MASP1: variants seen among roughly 807,000 people sequenced by gnomAD.
The protein encoded by MASP1 is mannan-binding lectin serine protease 1.
In MASP1, 59 loss-of-function variants were observed where a neutral mutation model predicts 77.1. That is an observed-to-expected ratio of 0.77 (90% confidence interval 0.62 to 0.95). The LOEUF (loss-of-function observed/expected upper bound fraction) is 0.95. Among genes scored for constraint, MASP1 ranks in the 40% least tolerant of loss-of-function variants. The pLI is 0.00. For synonymous variants in MASP1, 362 were observed against 354.5 expected (o/e 1.02, Z -0.24); for missense variants, 885 against 912.9 (o/e 0.97, Z 0.39).
chr3:187,279,817 C>T (rs953866932), intron 2 of MASP1, among the ~76,000 whole-genome samples: 2 of 152,296 alleles, frequency 1.3e-5, no homozygotes, highest in Admixed American at 1.3e-4. Flanking sequence ...CCTCCCTGGC[C>T]ATCTAAAAAT....
At chr3:187,253,120 A>G in intron 6 of MASP1, 48 bp downstream of exon 6, 1 of 1,611,566 alleles carries the variant, frequency 6.2e-7, no homozygotes. Context: ...CTGCCTCTGC[A>G]AGGGCTAAGC....
chr3:187,275,302 G>C (rs1716876822), intron 2 of MASP1, among the ~76,000 whole-genome samples: 1 of 152,332 alleles, frequency 6.6e-6, no homozygotes, highest in Middle Eastern at 3.4e-3. Flanking sequence ...CCTTGGGCCA[G>C]TGTCTTCCAG....
At chr3:187,272,233 T>C (rs896568081) in intron 2 of MASP1, among the ~76,000 whole-genome samples, 3 of 149,648 alleles carry the variant, frequency 2.0e-5, no homozygotes, top group Admixed American at 6.7e-5. Flanking sequence ...AATAAGAACA[T>C]CTGTGCCCTT....
chr3:187,249,539 G>A (rs776417531), intron 8 of MASP1, among the ~76,000 whole-genome samples: 22 of 152,324 alleles, frequency 1.4e-4, no homozygotes, highest in Middle Eastern at 3.4e-3. Flanking sequence ...GGTTGCAGGG[G>A]GTGGTGGTGA....
In MASP1 at chr3:187,262,509, A is replaced by G. The variant is rs747883941; in HGVS notation, c.415+34T>C. ...AGTTTTCATCTTCGGAGAGAGAGAG[A>G]GAGACCTGAGGATGAGTCACTTCTC... On this transcript the variant is annotated intron_variant, in intron 3 of 10. Coordinates refer to ENST00000296280, the MANE Select transcript of MASP1 (RefSeq NM_139125.4). The G allele has an allele frequency of 3.3e-5, 53 of 1,609,410 alleles. No individual in the cohort carries two copies. The African/African-American group carries it at 6.4e-4, about 19-fold the overall frequency.
intron 5 of MASP1, among the ~76,000 whole-genome samples, chr3:187,255,475 A>G (rs890629785): frequency 1.3e-5 from 2 of 152,216 alleles, no homozygotes; most frequent in Non-Finnish European, 2.9e-5. Context: ...GACCCTGAAC[A>G]AAGAACCCCA....
rs1005178003 is a variant in MASP1, at chr3:187,235,474, A to G, written c.*210T>C. On this transcript the variant is annotated 3_prime_UTR_variant, in exon 11 of 11. Transcript: ENST00000296280. ...GGCCCAGACAGGGAAAGAGACTTGG[A>G]CAAGCTCAGGAACACAGGTCTCCTG... 1.3e-6 allele frequency: 2 copies of G among 1,522,020 alleles called. No homozygotes were observed. The highest frequency in any genetic ancestry group is 2.7e-5 in the African/African-American group (2 of 72,746). 94.3% of individuals were successfully genotyped at this position (1,522,020 alleles called of 1,614,324 possible).
At chr3:187,247,454 A>AAG (rs1398447283) in intron 8 of MASP1, 12 of 1,566,034 alleles carry the variant, frequency 7.7e-6, no homozygotes, top group Admixed American at 3.3e-5. Context: ...GAGGAAGAGA[A>AAG]AGAGAGAGAG....
chr3:187,220,466 T>A (rs1711981571), intron 15 of MASP1, among the ~76,000 whole-genome samples: 1 of 151,474 alleles, frequency 6.6e-6, no homozygotes, highest in South Asian at 2.1e-4. Flanking sequence ...GACCTCTTTC[T>A]TTCTTTTCTT....
At chr3:187,238,040 GC>G (rs1012116030) in intron 10 of MASP1, among the ~76,000 whole-genome samples, 1 of 152,172 alleles carries the variant, frequency 6.6e-6, no homozygotes, top group African/African-American at 2.4e-5. Flanking sequence ...TTGAGGGTCA[GC>G]CTTCCAATTA....
At position 187,253,245 on chromosome 3, in the gene MASP1, C is replaced by T. The variant is rs1714776159; in HGVS notation, c.815G>A (p.Ser272Asn). The T allele has an allele frequency of 6.2e-7, 1 of 1,614,028 alleles. No individual in the cohort carries two copies. Among genetic ancestry groups the T allele is most frequent in the Admixed American group, 1.7e-5 (1 of 59,998 alleles). ...ATGGAACAGGATCAGGACACTGTGG[C>T]TCTGGGTGCTGATGGGTTCTGGGGC... ...EKAPEPISTQ[S>N]HSVLILFHSD... The change falls in exon 6 of 11, where the codon AGC becomes AAC. Residue 272 changes from serine to asparagine, a missense_variant. Physicochemically the swap from Ser to Asn is conservative, Grantham distance 46. Transcript: ENST00000296280.
chr3:187,225,174 G>A, intron 13 of MASP1: 1 of 869,052 alleles, frequency 1.2e-6, no homozygotes, highest in Non-Finnish European at 1.8e-6. Context: ...CTTGGACCCA[G>A]TTCTGACTTG....
At chr3:187,251,897 A>G in intron 6 of MASP1, 145 bp from the exon 7 acceptor site, 2 of 718,684 alleles carry the variant, frequency 2.8e-6, no homozygotes, top group Middle Eastern at 3.5e-4. Flanking sequence ...GCCCTGCAAG[A>G]GACTAATTCT....
rs201075861 is a variant in MASP1 at position 187,262,530 on chromosome 3, T to G, written c.415+13A>C. The G allele has an allele frequency of 1.1e-4, 185 of 1,613,864 alleles. No homozygotes were observed. The African/African-American group carries it at 2.3e-3, about 20-fold the overall frequency. Reference sequence around the variant, plus strand: ...AGAGAGAGACCTGAGGATGAGTCACTTCTCCAACTTACCCACAGCCATGTA... The same window carrying G: ...AGAGAGAGACCTGAGGATGAGTCACGTCTCCAACTTACCCACAGCCATGTA... On this transcript the variant is annotated intron_variant, in intron 3 of 10. Coordinates refer to ENST00000296280, the MANE Select transcript of MASP1 (RefSeq NM_139125.4).
Position 187,262,587 on chromosome 3 carries a change from T to C in MASP1, c.371A>G (p.Asn124Ser), listed in dbSNP as rs1194644959. 5.6e-6 allele frequency: 9 copies of C among 1,613,914 alleles called. No homozygotes were observed. The highest frequency in any genetic ancestry group is 2.7e-5 in the African/African-American group (2 of 74,910). The part of the protein sequence containing the change: ...MSITFRSDFS[N>S]EERFTGFDAH... ...ATCAAAGCCTGTGAAACGCTCCTCA[T>C]TGGAGAAATCTGACCGGAAAGTGAT... The change falls in exon 3 of 11, where the codon AAT becomes AGT. Residue 124 changes from asparagine to serine, a missense_variant. Transcript: ENST00000296280.
intron 9 of MASP1, chr3:187,243,260 C>T (rs1367525758): frequency 8.7e-6 from 5 of 571,758 alleles, no homozygotes; most frequent in African/African-American, 7.5e-5. Flanking sequence ...AACAAAAAAG[C>T]CTGCTTTTTG....
intron 5 of MASP1, among the ~76,000 whole-genome samples, chr3:187,255,987 A>G (rs183413404): frequency 2.6e-5 from 4 of 152,178 alleles, no homozygotes; most frequent in African/African-American, 9.6e-5. Flanking sequence ...TGATCACTCT[A>G]TAAGAATTGC....
At chr3:187,259,404 G>A (rs1428154648) in intron 4 of MASP1, among the ~76,000 whole-genome samples, 1 of 152,090 alleles carries the variant, frequency 6.6e-6, no homozygotes, top group African/African-American at 2.4e-5. Context: ...ATTCCTTCTT[G>A]GTGGGGAAGG....
chr3:187,278,519 C>T (rs1717146368), intron 2 of MASP1, among the ~76,000 whole-genome samples: 1 of 152,228 alleles, frequency 6.6e-6, no homozygotes, highest in South Asian at 2.1e-4. Flanking sequence ...TACACCCACT[C>T]TTACGACTCT....
Sources: allele counts gnomAD v4.1 joint callset (sites outside exome capture counted in the v4.1 genomes callset), GRCh38; gene constraint gnomAD v4.1.1; transcripts MANE v1.5; gene names NCBI Gene and HGNC (gene_info 2026-07-23, HGNC 2026-07-21).